The following CSNK1G3 variants were observed in gnomAD, a reference collection of about 807,000 sequenced individuals.
The protein encoded by CSNK1G3 is casein kinase I isoform gamma-3.
In CSNK1G3, 23 loss-of-function variants were observed where a neutral mutation model predicts 64.3. That is an observed-to-expected ratio of 0.36 (90% confidence interval 0.26 to 0.51). The LOEUF is 0.51. CSNK1G3 is among the 20% of genes least tolerant of loss of function. CSNK1G3 has a pLI of 0.96. For synonymous variants in CSNK1G3, 158 were observed against 162.2 expected (o/e 0.97, Z 0.20); for missense variants, 357 against 510.5 (o/e 0.70, Z 2.90).
At chr5:123,600,110 GA>G (rs1333882888) in intron 10 of CSNK1G3, among the ~76,000 whole-genome samples, 1 of 152,010 alleles carries the variant, frequency 6.6e-6, no homozygotes, top group Non-Finnish European at 1.5e-5. Flanking sequence ...ACAGGTTCAG[GA>G]AATTATTTGG....
chr5:123,590,445 C>G (rs577296956), exon 9 of CSNK1G3: 2 of 1,504,754 alleles, frequency 1.3e-6, no homozygotes, highest in South Asian at 1.3e-5. Context: ...TGTAAGAAGG[C>G]TAGATTTTTT....
At chr5:123,568,644 G>A (rs879466422) in intron 4 of CSNK1G3, among the ~76,000 whole-genome samples, 10 of 152,280 alleles carry the variant, frequency 6.6e-5, no homozygotes, top group Admixed American at 1.3e-4. Flanking sequence ...ATTGCCCTCA[G>A]TTGGTCATTG....
chr5:123,595,923 G>A (rs1228014777), intron 10 of CSNK1G3, among the ~76,000 whole-genome samples: 2 of 151,906 alleles, frequency 1.3e-5, no homozygotes, highest in Non-Finnish European at 2.9e-5. Flanking sequence ...TAAAGTAAGT[G>A]AGATAACAAA....
At position 123,548,459 on chromosome 5, in the gene CSNK1G3, C is replaced by CAA. The variant is rs58778870; in HGVS notation, c.178+2636_178+2637dup. Among the ~76,000 whole-genome samples the CAA allele has an allele frequency of 5.5e-3, 433 of 79,172 alleles. 7 individuals are homozygous for CAA. The highest frequency in any genetic ancestry group is 0.018 in the African/African-American group (386 of 21,872). The allele number at this position is 79,172 out of a possible 152,430, so 51.9% of individuals were successfully genotyped here. A position where few individuals can be genotyped will look rare whatever the true frequency, so the allele number is the denominator to read the frequency against. ...TGGGTGACAGAGTAAGACTCTGTCT[C>CAA]AAAAAAAAAAAAAAAAAAAGGCCAT... On this transcript the variant is annotated intron_variant, in intron 2 of 12. Coordinates refer to ENST00000345990, the Ensembl canonical transcript of CSNK1G3.
chr5:123,526,284 G>A (rs1408218913), intron 1 of CSNK1G3, among the ~76,000 whole-genome samples: 2 of 151,988 alleles, frequency 1.3e-5, no homozygotes, highest in Non-Finnish European at 2.9e-5. Context: ...TCTTGAGCTG[G>A]CCTCAAGTGA....
chr5:123,548,284 G>A (rs916194588), intron 2 of CSNK1G3, among the ~76,000 whole-genome samples: 2 of 151,894 alleles, frequency 1.3e-5, no homozygotes, highest in Non-Finnish European at 2.9e-5. Flanking sequence ...CATAGTGAGA[G>A]CCTATCTCTA....
At chr5:123,546,741 T>C (rs957638756) in intron 2 of CSNK1G3, among the ~76,000 whole-genome samples, 20 of 152,142 alleles carry the variant, frequency 1.3e-4, no homozygotes, top group African/African-American at 4.8e-4. Flanking sequence ...AATCCAATTT[T>C]ATGTTTATGT....
intron 12 of CSNK1G3, among the ~76,000 whole-genome samples, chr5:123,606,788 A>G (rs920896821): frequency 1.3e-5 from 2 of 152,184 alleles, no homozygotes; most frequent in South Asian, 2.1e-4. Context: ...AATCTATTAC[A>G]TTTATCCATT....
At chr5:123,588,303 C>T in intron 7 of CSNK1G3, 124 bp from the exon 8 acceptor site, 1 of 1,045,260 alleles carries the variant, frequency 9.6e-7, no homozygotes, top group South Asian at 1.3e-5. Context: ...TCTCAAACTC[C>T]TGGGCTCAAG....
chr5:123,532,182 A>T (rs1258688386), intron 1 of CSNK1G3, among the ~76,000 whole-genome samples: 1 of 151,928 alleles, frequency 6.6e-6, no homozygotes, highest in East Asian at 1.9e-4. Context: ...ATTTCTAATC[A>T]TATTTTTGTT....
chr5:123,588,967 T>C (rs1462621334), intron 8 of CSNK1G3, among the ~76,000 whole-genome samples: 2 of 152,126 alleles, frequency 1.3e-5, no homozygotes, highest in Non-Finnish European at 2.9e-5. Context: ...TAATTTTATA[T>C]TGGGGAGCTG....
intron 1 of CSNK1G3, among the ~76,000 whole-genome samples, chr5:123,522,306 G>A (rs572826809): frequency 9.9e-5 from 15 of 151,928 alleles, no homozygotes; most frequent in Non-Finnish European, 1.3e-4. Context: ...GATTGAGACC[G>A]TCTGGCTAAC....
chr5:123,522,502 C>CA (rs71644482), intron 1 of CSNK1G3, among the ~76,000 whole-genome samples: 77,853 of 136,016 alleles, frequency 0.57, 21,668 homozygotes, highest in Middle Eastern at 0.69. Flanking sequence ...GATTCTGTCT[C>CA]AAAAAAAAAA....
intron 6 of CSNK1G3, among the ~76,000 whole-genome samples, chr5:123,581,991 CATT>C (rs1459397467): frequency 6.6e-6 from 1 of 151,826 alleles, no homozygotes; most frequent in Non-Finnish European, 1.5e-5. Context: ...CTTTTGGCCT[CATT>C]GTTTTTCATT....
intron 4 of CSNK1G3, among the ~76,000 whole-genome samples, chr5:123,564,556 C>A (rs1227006856): frequency 6.6e-6 from 1 of 151,948 alleles, no homozygotes; most frequent in East Asian, 1.9e-4. Flanking sequence ...TCATAGAGTC[C>A]ATTTTTTCCT....
At chr5:123,588,007 T>C (rs573739568) in intron 6 of CSNK1G3, 61 bp from the exon 7 acceptor site, 2 of 1,044,226 alleles carry the variant, frequency 1.9e-6, no homozygotes, top group African/African-American at 3.3e-5. Context: ...GAACAAACTC[T>C]CCATTCTTCC....
chr5:123,591,251 C>A lies in CSNK1G3; in HGVS notation c.991-68C>A. 4.4e-6 allele frequency: 4 copies of A among 908,892 alleles called. No individual in the cohort carries two copies. In the South Asian group the frequency reaches 6.2e-5, roughly 14 times the overall value. 56.3% of individuals were successfully genotyped at this position (908,892 alleles called of 1,614,324 possible). On this transcript the variant is annotated intron_variant, in intron 9 of 12. Transcript: ENST00000345990. ...TGTTTTTTTCCTTAATTCTTTTAAG[C>A]AGCTAAATGATTTTAAATAAGAATT...
chr5:123,520,220 C>T (rs969859422), intron 1 of CSNK1G3, among the ~76,000 whole-genome samples: 1 of 151,968 alleles, frequency 6.6e-6, no homozygotes, highest in Admixed American at 6.6e-5. Context: ...CATTTCTTTA[C>T]CATCAATATA....
intron 4 of CSNK1G3, among the ~76,000 whole-genome samples, chr5:123,571,209 G>C (rs1028954141): frequency 6.6e-6 from 1 of 152,140 alleles, no homozygotes; most frequent in Non-Finnish European, 1.5e-5. Context: ...TTTCTGGGGA[G>C]GGCACCATGT....
Sources: allele counts gnomAD v4.1 joint callset (sites outside exome capture counted in the v4.1 genomes callset), GRCh38; gene constraint gnomAD v4.1.1; transcripts MANE v1.5; gene names NCBI Gene and HGNC (gene_info 2026-07-23, HGNC 2026-07-21).